The following CUX1 variants were observed in gnomAD, a reference collection of about 807,000 sequenced individuals.
CUX1 encodes the protein cut like homeobox 1, also known as protein CASP.
CUX1 carries 31 observed loss-of-function variants against 158.8 expected under a neutral mutation model. The ratio of observed to expected loss-of-function variants is 0.20; its 90% CI spans 0.15 to 0.26. CUX1 has a LOEUF of 0.26. CUX1 is among the 10% of genes least tolerant of loss of function. CUX1 has a pLI of 1.00. For missense variants in CUX1, 1,589 were observed against 2,014.6 expected (o/e 0.79, Z 4.04); for synonymous variants, 879 against 862.1 (o/e 1.02, Z -0.34).
At chr7:102,260,797 A>G (rs1405636477), downstream of CUX1, among the ~76,000 whole-genome samples, 1 of 152,130 alleles carries the variant, frequency 6.6e-6, no homozygotes, top group Non-Finnish European at 1.5e-5. Flanking sequence ...GATGAGATAT[A>G]TTAGAGCACT....
At chr7:102,077,836 C>T (rs1443804733) in intron 4 of CUX1, among the ~76,000 whole-genome samples, 1 of 151,206 alleles carries the variant, frequency 6.6e-6, no homozygotes, top group Admixed American at 6.6e-5. Flanking sequence ...CAGTAATTAA[C>T]CTTGTGTGGG....
chr7:102,257,881 GAAAA>G lies in CUX1; in HGVS notation c.*8847_*8850del. 1.4e-6 allele frequency: 1 copy of G among 711,824 alleles called. No homozygotes were observed. Among genetic ancestry groups the G allele is most frequent in the Non-Finnish European group, 1.7e-6 (1 of 588,882 alleles). 44.1% of individuals were successfully genotyped at this position (711,824 alleles called of 1,614,324 possible). A position where few individuals can be genotyped will look rare whatever the true frequency, so the allele number is the denominator to read the frequency against. ...CCCAATTGACCAAAAAAGAAAAAAGGAAAAAAAAAAAGTCGTCTTTTTTTTTTTT... is the reference window on the plus strand; with the variant it reads ...CCCAATTGACCAAAAAAGAAAAAAGGAAAAAAAGTCGTCTTTTTTTTTTTT... On this transcript the variant is annotated 3_prime_UTR_variant, in exon 24 of 24. Transcript: ENST00000292535.
At chr7:102,283,142 C>A in exon 23 of CUX1, 1 of 1,399,788 alleles carries the variant, frequency 7.1e-7, no homozygotes, top group East Asian at 2.3e-5. Context: ...ACCCCGACTG[C>A]TCAGTGCATC....
intron 1 of CUX1, among the ~76,000 whole-genome samples, chr7:101,857,355 G>A (rs1341780218): frequency 6.6e-6 from 1 of 152,216 alleles, no homozygotes; most frequent in African/African-American, 2.4e-5. Context: ...GTTAAGATGC[G>A]TGGCCACCAA....
rs1391466751 is a variant in CUX1, at chr7:102,022,003, GCTCAGCGTGTCACCAGCTCTGGGTCC to G, written c.142-6092_142-6067del. Among the ~76,000 whole-genome samples the G allele has an allele frequency of 5.9e-5, 9 of 152,308 alleles. 1 individual carries two copies. The South Asian group carries it at 8.3e-4, about 14-fold the overall frequency. On this transcript the variant is annotated intron_variant, in intron 2 of 23. Transcript: ENST00000292535. Reference sequence around the variant, plus strand: ...GACAGAGGTGAACCTCCATGCAGCAGCTCAGCGTGTCACCAGCTCTGGGTCCCTGGCACGCGACTCTGGGATATGGG... The same window carrying G: ...GACAGAGGTGAACCTCCATGCAGCAGCTGGCACGCGACTCTGGGATATGGG...
At chr7:102,229,602 G>A (rs1333891170) in intron 21 of CUX1, among the ~76,000 whole-genome samples, 38 of 131,212 alleles carry the variant, frequency 2.9e-4, no homozygotes, top group Admixed American at 2.2e-3. Context: ...ATGAGCCACC[G>A]TGTCTGGCCT....
chr7:102,271,800 C>T (rs530296507), intron 14 of CUX1, among the ~76,000 whole-genome samples: 29 of 152,334 alleles, frequency 1.9e-4, no homozygotes, highest in South Asian at 1.9e-3. Context: ...GAGGTTGAGG[C>T]GGACAGATCA....
At chr7:101,817,625 G>C, upstream of CUX1, 4 of 1,549,516 alleles carry the variant, frequency 2.6e-6, no homozygotes, top group Non-Finnish European at 3.5e-6. The surrounding 1 kb of genome is among the most constrained non-coding windows in gnomAD (Gnocchi z 4.1). Context: ...ACAGCCCCGG[G>C]ACTCTGCCAG....
chr7:102,270,909 G>A (rs1791167148), intron 14 of CUX1, among the ~76,000 whole-genome samples: 1 of 152,172 alleles, frequency 6.6e-6, no homozygotes, highest in Non-Finnish European at 1.5e-5. Flanking sequence ...AGCAGACACA[G>A]GAACAAGTGC....
At chr7:102,132,314 C>T (rs1209231140) in intron 8 of CUX1, among the ~76,000 whole-genome samples, 21 of 92 alleles carry the variant, frequency 0.23, 1 homozygote, top group Non-Finnish European at 0.32. Flanking sequence ...TGTGTGCGCG[C>T]GCGCGCGCGC....
intron 2 of CUX1, among the ~76,000 whole-genome samples, chr7:101,933,728 C>A (rs1806564521): frequency 6.6e-6 from 1 of 152,148 alleles, no homozygotes; most frequent in Non-Finnish European, 1.5e-5. Flanking sequence ...TCATTTACTG[C>A]AGTCTTTGGT....
At chr7:101,962,884 C>G (rs1399471470) in intron 2 of CUX1, among the ~76,000 whole-genome samples, 1 of 151,920 alleles carries the variant, frequency 6.6e-6, no homozygotes, top group Admixed American at 6.6e-5. Context: ...CTGCACCAGG[C>G]CAATTTTTGT....
chr7:101,919,211 G>T (rs2906652), intron 2 of CUX1, among the ~76,000 whole-genome samples: 17,685 of 151,964 alleles, frequency 0.12, 1,451 homozygotes, highest in East Asian at 0.48. Context: ...TGTGTGTGTG[G>T]GGGGGGAGCT....
Position 101,916,442 on chromosome 7 carries a change from T to G in CUX1, c.141+217T>G. 2.2e-6 allele frequency: 1 copy of G among 447,796 alleles called. No individual in the cohort carries two copies. Among genetic ancestry groups the G allele is most frequent in the South Asian group, 2.1e-5 (1 of 47,912 alleles). The allele number at this position is 447,796 out of a possible 1,614,324, so 27.7% of individuals were successfully genotyped here. ...GAAATTGATAGGTTGTCTGGAAATA[T>G]GAAAGTCAGAGCCAATTCCAGGTGC... On this transcript the variant is annotated intron_variant, in intron 2 of 23. Transcript: ENST00000292535. The surrounding 1 kb of genome is among the most constrained non-coding windows in gnomAD (Gnocchi z 4.4).
rs1051841351 is a variant in CUX1 at position 102,172,248 on chromosome 7, T to C, written c.828+1698T>C. Among the ~76,000 whole-genome samples, 10 of 152,014 alleles carry C rather than the reference T, an allele frequency of 6.6e-5. No individual in the cohort carries two copies. In the East Asian group the frequency reaches 9.7e-4, roughly 15 times the overall value. On this transcript the variant is annotated intron_variant, in intron 10 of 23. Transcript: ENST00000292535. ...CTGGAGCTGCAGGCGCATACCACCATGCCCAGCTAATTTTTGTATTATTTG... is the reference window on the plus strand; with the variant it reads ...CTGGAGCTGCAGGCGCATACCACCACGCCCAGCTAATTTTTGTATTATTTG...
intron 3 of CUX1, among the ~76,000 whole-genome samples, chr7:102,060,717 A>G (rs1470039222): frequency 1.3e-5 from 2 of 150,478 alleles, no homozygotes; most frequent in Non-Finnish European, 2.9e-5. Context: ...GGTTCAAGCA[A>G]TTCTCCTGCC....
chr7:102,253,080 A>C lies in CUX1; in HGVS notation c.*4038A>C. On this transcript the variant is annotated 3_prime_UTR_variant, in exon 24 of 24. Transcript: ENST00000292535. ...AGCCTCCCTGGGGTAGATCCCTTGT[A>C]CCTCCAAAGTACAAATACCTCCCTG... is the stretch of plus-strand genomic sequence containing the variant. 1.0e-6 allele frequency: 1 copy of C among 985,312 alleles called. No homozygotes were observed. The highest frequency in any genetic ancestry group is 1.2e-6 in the Non-Finnish European group (1 of 829,910). The allele number at this position is 985,312 out of a possible 1,614,324, so 61.0% of individuals were successfully genotyped here.
chr7:102,135,045 C>G (rs1406420152), intron 8 of CUX1, among the ~76,000 whole-genome samples: 2 of 151,980 alleles, frequency 1.3e-5, no homozygotes, highest in African/African-American at 4.8e-5. Context: ...TCTTTTCACT[C>G]GAGTTTTAGT....
At chr7:102,176,216 A>G (rs61484374) in intron 10 of CUX1, among the ~76,000 whole-genome samples, 9,922 of 152,332 alleles carry the variant, frequency 0.065, 447 homozygotes, top group African/African-American at 0.12. Flanking sequence ...AGGGAGATAT[A>G]AAACATTATT....
Sources: gnomAD v4.1 joint callset for allele counts (sites outside exome capture counted in the v4.1 genomes callset) on GRCh38, gnomAD v4.1.1 for gene constraint, Gnocchi (gnomAD v3.1) non-coding constraint, MANE v1.5 for transcripts, NCBI Gene and HGNC (gene_info 2026-07-23, HGNC 2026-07-21) for gene names.